The following MAP3K7 variants were observed in gnomAD, a reference collection of about 807,000 sequenced individuals.
MAP3K7 encodes TGF-beta activated kinase 1.
In MAP3K7, 21 loss-of-function variants were observed where a neutral mutation model predicts 84.8. The observed-to-expected ratio is 0.25, with a 90% CI of 0.18 to 0.36. The LOEUF (loss-of-function observed/expected upper bound fraction) is 0.36, where lower values mean the gene tolerates loss of function less well. MAP3K7 is among the 10% of genes least tolerant of loss of function. The probability of loss-of-function intolerance (pLI) is 1.00; values close to 1 mark genes in which losing one functional copy is unlikely to be tolerated. For synonymous variants in MAP3K7, 241 were observed against 247.7 expected, an observed-to-expected ratio of 0.97 and a Z score of 0.25; for missense variants, 503 against 747.7, an observed-to-expected ratio of 0.67 and a Z score of 3.82.
intron 6 of MAP3K7, among the ~76,000 whole-genome samples, chr6:90,555,659 A>ATCTC (rs897533105): frequency 6.6e-6 from 1 of 152,178 alleles, no homozygotes; most frequent in Non-Finnish European, 1.5e-5. Context: ...TATTCCTGGT[A>ATCTC]TTTATGTTCT....
intron 1 of MAP3K7, among the ~76,000 whole-genome samples, chr6:90,574,820 C>G (rs1777019666): frequency 2.0e-5 from 3 of 152,168 alleles, no homozygotes; most frequent in African/African-American, 7.2e-5. Flanking sequence ...CAAATGAGGA[C>G]ATGAAAAACT....
Position 90,514,730 on chromosome 6 carries a change from T to C in MAP3K7, c.*1771A>G, listed in dbSNP as rs1049989912. 9 of 151,988 alleles carry C rather than the reference T, an allele frequency of 5.9e-5. No individual in the cohort carries two copies. Among genetic ancestry groups the C allele is most frequent in the African/African-American group, 2.2e-4 (9 of 41,430 alleles). 9.4% of individuals were successfully genotyped at this position (151,988 alleles called of 1,614,324 possible). ...CTTTCAGTGGAGTGACAGATGTACA[T>C]ACAAGCAACAATGCTATGGAGGAGT... On this transcript the variant is annotated 3_prime_UTR_variant, in exon 17 of 17. Coordinates refer to ENST00000369329, the MANE Select transcript of MAP3K7 (RefSeq NM_145331.3).
At chr6:90,525,759 G>T (rs890131743) in intron 13 of MAP3K7, among the ~76,000 whole-genome samples, 4 of 151,782 alleles carry the variant, frequency 2.6e-5, no homozygotes, top group African/African-American at 9.7e-5. Flanking sequence ...GTAGAGCCAG[G>T]GTCTTGCTAC....
intron 13 of MAP3K7, among the ~76,000 whole-genome samples, chr6:90,535,214 T>C (rs1421863380): frequency 6.6e-6 from 1 of 151,974 alleles, no homozygotes; most frequent in Non-Finnish European, 1.5e-5. Context: ...TTTTGGTAAG[T>C]TGGTTGATGG....
intron 12 of MAP3K7, among the ~76,000 whole-genome samples, chr6:90,540,382 A>C (rs1350231052): frequency 6.6e-6 from 1 of 151,960 alleles, no homozygotes; most frequent in Non-Finnish European, 1.5e-5. Context: ...CTTGAAATCA[A>C]GCATTATAAT....
chr6:90,519,883 G>A (rs1056135919), intron 14 of MAP3K7, among the ~76,000 whole-genome samples: 2 of 152,032 alleles, frequency 1.3e-5, no homozygotes, highest in Non-Finnish European at 2.9e-5. Context: ...TGTTGGTGAT[G>A]AGAGTATATT....
intron 1 of MAP3K7, among the ~76,000 whole-genome samples, chr6:90,577,447 T>C (rs1179448488): frequency 1.3e-5 from 2 of 152,166 alleles, no homozygotes; most frequent in African/African-American, 4.8e-5. Context: ...GTCATTAGCA[T>C]GTAGTCAGTT....
intron 1 of MAP3K7, among the ~76,000 whole-genome samples, chr6:90,585,855 T>C (rs1777428418): frequency 6.6e-6 from 1 of 152,224 alleles, no homozygotes; most frequent in African/African-American, 2.4e-5. Flanking sequence ...CCAGTCTATG[T>C]TACTTATGGT....
At chr6:90,551,639 T>C (rs1776182203) in intron 8 of MAP3K7, 1 of 153,740 alleles carries the variant, frequency 6.5e-6, no homozygotes, top group African/African-American at 2.4e-5. Flanking sequence ...AAATGCTTGA[T>C]GAAAATTGGT....
intron 13 of MAP3K7, 97 bp from the exon 14 acceptor site, chr6:90,523,880 T>TC: frequency 2.8e-6 from 2 of 707,302 alleles, no homozygotes; most frequent in African/African-American, 1.8e-5. Context: ...GACTTAGAGA[T>TC]CCCCCCAAAA....
chr6:90,516,774 C>T, intron 16 of MAP3K7, 93 bp from the exon 17 acceptor site: 1 of 1,059,448 alleles, frequency 9.4e-7, no homozygotes, highest in East Asian at 2.5e-5. Flanking sequence ...AATTTTTATT[C>T]TTGGTTTATC....
intron 5 of MAP3K7, among the ~76,000 whole-genome samples, chr6:90,558,239 T>C (rs1336663180): frequency 6.6e-6 from 1 of 152,058 alleles, no homozygotes; most frequent in Non-Finnish European, 1.5e-5. Flanking sequence ...GGAGAATTGC[T>C]TGAACCCGGG....
intron 13 of MAP3K7, among the ~76,000 whole-genome samples, chr6:90,535,900 T>TA (rs1385825988): frequency 1.3e-5 from 2 of 152,198 alleles, no homozygotes; most frequent in Admixed American, 1.3e-4. Flanking sequence ...TAAAAGACGT[T>TA]AGAGTTCTCC....
rs553977807 is a variant in MAP3K7 at position 90,563,824 on chromosome 6, T to C, written c.298-2157A>G. ...TGTTAAGGGCAGCCAGAGAGAAAGG[T>C]CGGGTTACCCACAAAGGGAAGCCCA... On this transcript the variant is annotated intron_variant, in intron 3 of 16. Transcript: ENST00000369329. Among the ~76,000 whole-genome samples, 18 of 152,250 alleles carry C rather than the reference T, an allele frequency of 1.2e-4. No individual in the cohort carries two copies. The East Asian group carries it at 3.1e-3, about 26-fold the overall frequency.
At chr6:90,522,598 A>G (rs947727639) in intron 14 of MAP3K7, among the ~76,000 whole-genome samples, 1 of 152,156 alleles carries the variant, frequency 6.6e-6, no homozygotes, top group Non-Finnish European at 1.5e-5. Flanking sequence ...GGACAGTCCT[A>G]GGTTGGGCTG....
intron 13 of MAP3K7, among the ~76,000 whole-genome samples, chr6:90,530,405 T>A (rs1775469698): frequency 6.6e-6 from 1 of 152,192 alleles, no homozygotes; most frequent in South Asian, 2.1e-4. Context: ...AATTTTATAG[T>A]ACTCCTTAAG....
rs548637296 is a variant in MAP3K7 at position 90,577,289 on chromosome 6, A to AT, written c.121-5483dup. Among the ~76,000 whole-genome samples, 285 of 151,898 alleles carry AT rather than the reference A, an allele frequency of 1.9e-3. 1 individual carries two copies. Among genetic ancestry groups the AT allele is most frequent in the African/African-American group, 6.4e-3 (264 of 41,454 alleles). On this transcript the variant is annotated intron_variant, in intron 1 of 16. Coordinates refer to ENST00000369329, the MANE Select transcript of MAP3K7 (RefSeq NM_145331.3). Reference sequence around the variant, plus strand: ...TTACTGAGGGATAAGAATGATGCAGATTTTTTTTTAATAACTCAGAGTTTG... The same window carrying AT: ...TTACTGAGGGATAAGAATGATGCAGATTTTTTTTTTAATAACTCAGAGTTTG...
chr6:90,577,026 G>A (rs12526594), intron 1 of MAP3K7, among the ~76,000 whole-genome samples: 10,681 of 152,272 alleles, frequency 0.07, 371 homozygotes, highest in South Asian at 0.087. Context: ...AGCTCTTAAA[G>A]AAAGGATTGT....
Position 90,552,054 on chromosome 6 carries a change from T to A in MAP3K7, c.862A>T (p.Met288Leu). The A allele has an allele frequency of 6.2e-7, 1 of 1,609,982 alleles. No homozygotes were observed. Among genetic ancestry groups the A allele is most frequent in the South Asian group, 1.1e-5 (1 of 90,744 alleles). The change falls in exon 8 of 17, where the codon ATG becomes TTG. Residue 288 changes from methionine to leucine, a missense_variant. By Grantham distance (15) the Met-to-Leu change is conservative (BLOSUM62 2). Transcript: ENST00000369329. ...EEIVKIMTHL[M>L]RYFPGADEPL... is the part of the protein sequence containing the mutation. ...CCTCAAAAGAAGGATTATACCCGCA[T>A]CAAGTGAGTCATTATTTTCACAATT...
Sources: gnomAD v4.1 joint callset for allele counts (sites outside exome capture counted in the v4.1 genomes callset) on GRCh38, gnomAD v4.1.1 for gene constraint, MANE v1.5 for transcripts, NCBI Gene and HGNC (gene_info 2026-07-23, HGNC 2026-07-21) for gene names.